RXFP1: variants seen among roughly 807,000 people sequenced by gnomAD.
RXFP1 encodes the protein relaxin receptor 1.
Under a neutral mutation model 89.8 loss-of-function variants are expected in RXFP1, and 73 were observed. That is an observed-to-expected ratio of 0.81 (90% CI 0.67 to 0.99). RXFP1 has a LOEUF of 0.99. Among genes scored for constraint, RXFP1 ranks in the 50% least tolerant of loss-of-function variants. The pLI is 0.00. For missense variants in RXFP1, 793 were observed against 895.5 expected (o/e 0.89, Z 1.46); for synonymous variants, 277 against 305.5 (o/e 0.91, Z 0.97).
chr4:158,526,159 G>T (rs555163482), intron 1 of RXFP1, among the ~76,000 whole-genome samples: 1 of 152,330 alleles, frequency 6.6e-6, no homozygotes, highest in Non-Finnish European at 1.5e-5. Context: ...ATGAGCTGGT[G>T]CTATCTGCTT....
chr4:158,607,072 C>G (rs746435796), intron 5 of RXFP1: 1 of 1,535,878 alleles, frequency 6.5e-7, no homozygotes, highest in Admixed American at 2.0e-5. Context: ...CAATGGTGAC[C>G]TGCACTCAGA....
At chr4:158,648,358 G>T in intron 16 of RXFP1, 141 bp from the exon 17 acceptor site, 1 of 534,282 alleles carries the variant, frequency 1.9e-6, no homozygotes, top group Non-Finnish European at 3.0e-6. Flanking sequence ...TCTTTGTGAA[G>T]AAAAAACCCA....
chr4:158,608,619 T>C (rs748161611), intron 6 of RXFP1, among the ~76,000 whole-genome samples: 1 of 152,138 alleles, frequency 6.6e-6, no homozygotes, highest in Non-Finnish European at 1.5e-5. Flanking sequence ...TGTGGTAAAA[T>C]ATACATAAGC....
chr4:158,580,072 G>A (rs1399794909), intron 2 of RXFP1, among the ~76,000 whole-genome samples: 2 of 152,206 alleles, frequency 1.3e-5, no homozygotes, highest in South Asian at 2.1e-4. Context: ...GGAGGCATCA[G>A]GCCAGAGCCT....
At chr4:158,592,862 G>C (rs998640516) in intron 2 of RXFP1, among the ~76,000 whole-genome samples, 3 of 151,736 alleles carry the variant, frequency 2.0e-5, no homozygotes, top group Non-Finnish European at 4.4e-5. Flanking sequence ...GGGCCGAGGC[G>C]GACAGATTTG....
chr4:158,533,485 A>G (rs1744545645), intron 1 of RXFP1, among the ~76,000 whole-genome samples: 1 of 152,222 alleles, frequency 6.6e-6, no homozygotes. Context: ...TTATTTGCAA[A>G]TCATATCATA....
At chr4:158,561,045 G>A (rs375867745) in intron 1 of RXFP1, among the ~76,000 whole-genome samples, 3 of 152,148 alleles carry the variant, frequency 2.0e-5, no homozygotes, top group Non-Finnish European at 2.9e-5. Flanking sequence ...TTCAAAAACC[G>A]TGTTTGCCTT....
intron 11 of RXFP1, among the ~76,000 whole-genome samples, chr4:158,630,472 C>T (rs62351168): frequency 6.6e-6 from 1 of 152,280 alleles, no homozygotes; most frequent in Middle Eastern, 3.4e-3. Flanking sequence ...TTGTTTCATC[C>T]ACTTGAAATC....
chr4:158,641,624 C>G (rs1441381573), intron 14 of RXFP1, among the ~76,000 whole-genome samples: 1 of 152,184 alleles, frequency 6.6e-6, no homozygotes, highest in African/African-American at 2.4e-5. Flanking sequence ...GAAATATCAG[C>G]AATTGACCTT....
intron 9 of RXFP1, among the ~76,000 whole-genome samples, chr4:158,620,662 G>A (rs1765453390): frequency 6.6e-6 from 1 of 151,778 alleles, no homozygotes; most frequent in Admixed American, 6.6e-5. Context: ...TTCAGAACAA[G>A]GACTATCACC....
chr4:158,549,944 T>C (rs2149883025), intron 1 of RXFP1, among the ~76,000 whole-genome samples: 1 of 152,328 alleles, frequency 6.6e-6, no homozygotes, highest in Non-Finnish European at 1.5e-5. Context: ...GATCTCCAGC[T>C]GCATGCTGGG....
intron 2 of RXFP1, among the ~76,000 whole-genome samples, chr4:158,588,822 C>T (rs186533027): frequency 2.0e-5 from 3 of 152,294 alleles, no homozygotes; most frequent in African/African-American, 7.2e-5. Context: ...GGTGACTCAA[C>T]ATTTGTATGC....
intron 9 of RXFP1, among the ~76,000 whole-genome samples, chr4:158,617,454 C>A (rs936958162): frequency 2.0e-5 from 3 of 149,868 alleles, no homozygotes; most frequent in African/African-American, 7.4e-5. Flanking sequence ...TATACTGGAG[C>A]CAGGAAGAAG....
chr4:158,639,672 C>T (rs1366889833), intron 14 of RXFP1, among the ~76,000 whole-genome samples: 1 of 152,040 alleles, frequency 6.6e-6, no homozygotes, highest in African/African-American at 2.4e-5. Context: ...GAGTTCAAGA[C>T]CAGCCTGGCC....
intron 14 of RXFP1, among the ~76,000 whole-genome samples, chr4:158,643,414 A>G (rs1451172876): frequency 6.9e-6 from 1 of 145,330 alleles, no homozygotes; most frequent in Non-Finnish European, 1.5e-5. Flanking sequence ...CTTTGATATG[A>G]TTTTCTTTTC....
At chr4:158,538,561 C>T (rs909414300) in intron 1 of RXFP1, among the ~76,000 whole-genome samples, 1 of 152,150 alleles carries the variant, frequency 6.6e-6, no homozygotes, top group African/African-American at 2.4e-5. Flanking sequence ...CGCCTGTAAT[C>T]CCAACACTTT....
chr4:158,528,221 G>A (rs949784376), intron 1 of RXFP1, among the ~76,000 whole-genome samples: 4 of 151,996 alleles, frequency 2.6e-5, no homozygotes, highest in Non-Finnish European at 4.4e-5. Flanking sequence ...AGAGTAAGGC[G>A]GGGGGCAGTG....
At chr4:158,640,425 A>G (rs1459221480) in intron 14 of RXFP1, among the ~76,000 whole-genome samples, 2 of 152,136 alleles carry the variant, frequency 1.3e-5, no homozygotes, top group Non-Finnish European at 2.9e-5. Context: ...CATGGTACCA[A>G]CCTCTAATTT....
chr4:158,544,120 T>C, intron 1 of RXFP1: 1 of 980,266 alleles, frequency 1.0e-6, no homozygotes, highest in Non-Finnish European at 1.2e-6. Context: ...TTTAATTTAC[T>C]TCCTAAATAT....
Sources: gnomAD v4.1 joint callset for allele counts (sites outside exome capture counted in the v4.1 genomes callset) on GRCh38, gnomAD v4.1.1 for gene constraint, MANE v1.5 for transcripts, NCBI Gene and HGNC (gene_info 2026-07-23, HGNC 2026-07-21) for gene names.